The following HMGXB3 variants were observed in gnomAD, a reference collection of about 807,000 sequenced individuals.
The protein encoded by HMGXB3 is HMG domain-containing protein 3.
HMGXB3 carries 45 observed loss-of-function variants against 121.5 expected under a neutral mutation model. The ratio of observed to expected loss-of-function variants is 0.37; its 90% CI spans 0.29 to 0.47. The LOEUF is 0.47. Ranked by LOEUF, HMGXB3 falls within the 20% of genes least tolerant of loss-of-function variation. HMGXB3 has a pLI of 0.99. For missense variants in HMGXB3, 1,376 were observed against 1,602.2 expected (o/e 0.86, Z 2.41); for synonymous variants, 590 against 624.1 (o/e 0.95, Z 0.81).
intron 12 of HMGXB3, 137 bp from the exon 13 acceptor site, chr5:150,037,263 C>A: frequency 1.2e-6 from 1 of 856,066 alleles, no homozygotes; most frequent in Non-Finnish European, 1.7e-6. Flanking sequence ...CCACAGATTC[C>A]AACAAAGTGG....
At chr5:150,019,309 A>G (rs1756031968) in intron 6 of HMGXB3, among the ~76,000 whole-genome samples, 1 of 152,134 alleles carries the variant, frequency 6.6e-6, no homozygotes, top group Non-Finnish European at 1.5e-5. Flanking sequence ...ATATGTCTTT[A>G]ACATTTTTAT....
At chr5:150,001,779 C>T (rs1467836520) in intron 1 of HMGXB3, among the ~76,000 whole-genome samples, 1 of 152,202 alleles carries the variant, frequency 6.6e-6, no homozygotes, top group Non-Finnish European at 1.5e-5. Context: ...GTGTTGTCTT[C>T]CTGCCCTCAG....
chr5:150,018,629 G>A lies in HMGXB3; in HGVS notation c.973G>A (p.Val325Ile), dbSNP rs1050187008. The change falls in exon 6 of 20, where the codon GTC becomes ATC. Residue 325 changes from valine (V) to isoleucine (I), a missense_variant. Val to Ile is a conservative substitution (Grantham distance 29, BLOSUM62 3). Around this residue, in one of 2 missense-constraint regions of HMGXB3, gnomAD observed 1,116 missense variants for 1,369.0 expected, o/e 0.82. Coordinates refer to ENST00000502717, the MANE Select transcript of HMGXB3 (RefSeq NM_014983.3). ...CAGCCCAGGGTGCTCCTTTACATAT[G>A]TCACCAGGCACAAGCCACCTAAGTG... is the stretch of plus-strand genomic sequence containing the variant. Reference protein sequence around the residue: ...CTSPGCSFTYVTRHKPPKCPT... With the variant: ...CTSPGCSFTYITRHKPPKCPT... 1.3e-6 allele frequency: 2 copies of A among 1,551,202 alleles called. No individual in the cohort carries two copies. The highest frequency in any genetic ancestry group is 1.4e-5 in the African/African-American group (1 of 73,044).
intron 4 of HMGXB3, among the ~76,000 whole-genome samples, chr5:150,011,161 C>T (rs1326346856): frequency 6.6e-6 from 1 of 152,150 alleles, no homozygotes; most frequent in East Asian, 1.9e-4. Context: ...AGACCTGTAC[C>T]CAGGTCTTCC....
chr5:150,050,884 C>T (rs909822168), intron 19 of HMGXB3, among the ~76,000 whole-genome samples: 3 of 152,174 alleles, frequency 2.0e-5, no homozygotes, highest in African/African-American at 7.2e-5. Context: ...GGTTGCCTTC[C>T]AGAGAAGCCT....
chr5:150,003,028 A>G (rs1581243319), intron 1 of HMGXB3, among the ~76,000 whole-genome samples: 1 of 152,360 alleles, frequency 6.6e-6, no homozygotes, highest in South Asian at 2.1e-4. Flanking sequence ...GTGTAGTCCC[A>G]GCTACTTGGG....
chr5:150,028,505 ATGTG>A (rs1156746032), intron 9 of HMGXB3, among the ~76,000 whole-genome samples: 28 of 90,484 alleles, frequency 3.1e-4, no homozygotes, highest in South Asian at 9.4e-4. Flanking sequence ...ATATGTATGT[ATGTG>A]TGTGTGTGTG....
At chr5:150,043,478 G>A (rs1002529894) in intron 15 of HMGXB3, among the ~76,000 whole-genome samples, 3 of 152,200 alleles carry the variant, frequency 2.0e-5, no homozygotes, top group Admixed American at 6.5e-5. Flanking sequence ...AACCTGTAGA[G>A]AACAGCTTTG....
intron 16 of HMGXB3, among the ~76,000 whole-genome samples, chr5:150,046,547 T>C (rs920394262): frequency 6.6e-6 from 1 of 152,222 alleles, no homozygotes; most frequent in Non-Finnish European, 1.5e-5. Context: ...GCACGGTGGC[T>C]CACGCCTGTA....
chr5:150,042,208 A>G (rs1018922753), intron 15 of HMGXB3, among the ~76,000 whole-genome samples: 2 of 152,264 alleles, frequency 1.3e-5, no homozygotes, highest in Admixed American at 6.5e-5. Flanking sequence ...ATCAAAAAAT[A>G]TATATAGTAA....
chr5:150,007,781 G>A (rs1048056559), intron 3 of HMGXB3, among the ~76,000 whole-genome samples: 7 of 152,276 alleles, frequency 4.6e-5, no homozygotes, highest in East Asian at 3.9e-4. Flanking sequence ...TAGGCTGGGT[G>A]TGGTAGCTCA....
intron 18 of HMGXB3, among the ~76,000 whole-genome samples, chr5:150,049,642 A>T (rs1244007735): frequency 6.6e-6 from 1 of 152,224 alleles, no homozygotes; most frequent in Admixed American, 6.5e-5. Context: ...AGCAGCTGAC[A>T]GCACGGGGAG....
intron 6 of HMGXB3, among the ~76,000 whole-genome samples, chr5:150,023,695 T>C (rs532917062): frequency 6.6e-6 from 1 of 152,352 alleles, no homozygotes; most frequent in South Asian, 2.1e-4. Flanking sequence ...ATGAGTTAAT[T>C]TGATCCAGTG....
intron 16 of HMGXB3, 74 bp from the exon 17 acceptor site, chr5:150,047,550 T>C: frequency 6.5e-7 from 1 of 1,526,764 alleles, no homozygotes; most frequent in Non-Finnish European, 8.8e-7. Flanking sequence ...CACTGTTTGC[T>C]GTTTTGTGGG....
chr5:150,051,750 A>G lies in HMGXB3; in HGVS notation c.3437A>G (p.Asp1146Gly), dbSNP rs1344261059. 3 of 1,533,654 alleles carry G rather than the reference A, an allele frequency of 2.0e-6. No individual in the cohort carries two copies. The highest frequency in any genetic ancestry group is 2.6e-6 in the Non-Finnish European group (3 of 1,141,312). The change falls in exon 20 of 20, where the codon GAC (aspartate) becomes GGC (glycine). Residue 1146 changes from aspartate to glycine, a missense_variant. By Grantham distance (94) the Asp-to-Gly change is moderately conservative. Coordinates refer to ENST00000502717, the MANE Select transcript of HMGXB3 (RefSeq NM_014983.3). ...AGTGTGTCCTGCCCAGAGCTCTTGG[A>G]CCAGCATTATACTGTGGACATGACA... ...PVSVSCPELL[D>G]QHYTVDMTET...
chr5:150,003,903 C>A (rs911377101), intron 1 of HMGXB3, among the ~76,000 whole-genome samples: 4 of 152,032 alleles, frequency 2.6e-5, no homozygotes, highest in African/African-American at 9.7e-5. Context: ...GTAGTGAGCC[C>A]AGAGTGTGCC....
At chr5:150,002,735 G>C (rs1220685025) in intron 1 of HMGXB3, among the ~76,000 whole-genome samples, 2 of 152,256 alleles carry the variant, frequency 1.3e-5, no homozygotes, top group African/African-American at 2.4e-5. Context: ...CATAAAAGCT[G>C]TTAGTAGATT....
intron 1 of HMGXB3, among the ~76,000 whole-genome samples, chr5:150,001,552 G>A (rs1032493593): frequency 3.3e-5 from 5 of 152,192 alleles, no homozygotes; most frequent in Non-Finnish European, 7.4e-5. Flanking sequence ...AAATAACGGA[G>A]ACTTAGGGTA....
chr5:150,028,410 ATATATATATATATG>A (rs968713219), intron 9 of HMGXB3, among the ~76,000 whole-genome samples: 12 of 142,886 alleles, frequency 8.4e-5, no homozygotes, highest in Admixed American at 3.6e-4. Context: ...ACCCGATTTT[ATATATATATATATG>A]TATATATATA....
Sources: gnomAD v4.1 joint callset for allele counts (sites outside exome capture counted in the v4.1 genomes callset) on GRCh38, gnomAD v4.1.1 for gene constraint, gnomAD v4.1.1 regional missense constraint, MANE v1.5 for transcripts, NCBI Gene and HGNC (gene_info 2026-07-23, HGNC 2026-07-21) for gene names.